The following NBAS variants were observed in gnomAD, a reference collection of about 807,000 sequenced individuals.
The protein encoded by NBAS is NAG/BC035112 fusion.
NBAS carries 219 observed loss-of-function variants against 302.5 expected under a neutral mutation model. The observed-to-expected ratio is 0.72, with a 90% confidence interval of 0.65 to 0.81. The LOEUF (loss-of-function observed/expected upper bound fraction) is 0.81. Among genes scored for constraint, NBAS ranks in the 30% least tolerant of loss-of-function variants. NBAS has a pLI of 0.00. For missense variants in NBAS, 2,932 were observed against 2,841.6 expected, an observed-to-expected ratio of 1.03 and a Z score of -0.72; for synonymous variants, 1,118 against 1,021.6, an observed-to-expected ratio of 1.09 and a Z score of -1.80.
chr2:15,396,517 G>T, intron 26 of NBAS, 42 bp from the exon 27 acceptor site: 2 of 1,360,588 alleles, frequency 1.5e-6, no homozygotes, highest in Non-Finnish European at 1.0e-6. Context: ...CTTAAGTTTA[G>T]TATTAGCTTT....
chr2:15,429,814 T>C (rs1407261240), intron 21 of NBAS, among the ~76,000 whole-genome samples: 1 of 152,232 alleles, frequency 6.6e-6, no homozygotes, highest in African/African-American at 2.4e-5. Context: ...AATGATGATT[T>C]AGAATGGATG....
the NBAS span, among the ~76,000 whole-genome samples, chr2:15,088,299 G>A: frequency 0.017 from 2,626 of 152,312 alleles, 37 homozygotes; most frequent in Admixed American, 0.036. Flanking sequence ...AGCATTCTCA[G>A]AGTATGTCAT....
rs558233705 is a variant in NBAS at position 15,467,734 on chromosome 2, G to T, written c.1948C>A (p.Pro650Thr). 2.5e-6 allele frequency: 4 copies of T among 1,607,312 alleles called. No individual in the cohort carries two copies. Among genetic ancestry groups the T allele is most frequent in the Middle Eastern group, 1.7e-4 (1 of 6,048 alleles). Residue 650 changes from proline to threonine, a missense_variant, in exon 18 of 52, where the codon CCT becomes ACT. By Grantham distance (38) the Pro-to-Thr change is conservative (BLOSUM62 -1). Transcript: ENST00000281513. ...YEELSPPDEE[P>T]AKNKKEKELK... ...TCCTTTTCCTTTTTATTCTTGGCAG[G>T]CTCTTCATCAGGTGGTGAAAGCTCT... is the stretch of plus-strand genomic sequence containing the variant.
intron 33 of NBAS, among the ~76,000 whole-genome samples, chr2:15,355,360 C>A (rs1282447635): frequency 6.6e-6 from 1 of 152,170 alleles, no homozygotes; most frequent in Non-Finnish European, 1.5e-5. Flanking sequence ...CCCTATCACA[C>A]TGAAGAATGT....
chr2:15,259,692 C>T (rs1462256501), intron 44 of NBAS, among the ~76,000 whole-genome samples: 3 of 152,194 alleles, frequency 2.0e-5, no homozygotes, highest in African/African-American at 7.2e-5. Context: ...ACTTGCACAA[C>T]TACCTGCTGT....
At chr2:15,383,401 A>T in intron 28 of NBAS, 84 bp from the exon 29 acceptor site, 2 of 1,200,352 alleles carry the variant, frequency 1.7e-6, no homozygotes, top group South Asian at 2.5e-5. Flanking sequence ...AGTTAAAAAA[A>T]CAAAAACTGG....
intron 41 of NBAS, 83 bp from the exon 42 acceptor site, chr2:15,287,266 T>G: frequency 1.0e-6 from 1 of 998,074 alleles, no homozygotes; most frequent in South Asian, 1.3e-5. Flanking sequence ...TCATTAGGAC[T>G]GCTCTCCAGT....
chr2:15,017,067 G>A, the NBAS span, among the ~76,000 whole-genome samples: 1 of 152,028 alleles, frequency 6.6e-6, no homozygotes, highest in Non-Finnish European at 1.5e-5. Flanking sequence ...CTGTGGAAAG[G>A]ACAATGTCTT....
At chr2:15,284,560 C>A (rs1196167577) in intron 42 of NBAS, among the ~76,000 whole-genome samples, 1 of 152,112 alleles carries the variant, frequency 6.6e-6, no homozygotes, top group African/African-American at 2.4e-5. Context: ...GGGGAATGTA[C>A]AATTATGAGA....
chr2:15,230,974 A>AC (rs1336486316), intron 47 of NBAS, among the ~76,000 whole-genome samples: 2 of 152,012 alleles, frequency 1.3e-5, no homozygotes, highest in East Asian at 1.9e-4. Context: ...GCTCTGTGTC[A>AC]CCCCTTGTGT....
intron 6 of NBAS, among the ~76,000 whole-genome samples, chr2:15,551,144 A>T (rs553212697): frequency 1.4e-4 from 21 of 152,310 alleles, no homozygotes; most frequent in African/African-American, 4.3e-4. Context: ...GAATATATTT[A>T]AAAAATGGCC....
At chr2:15,174,953 G>A (rs546175108) in intron 51 of NBAS, among the ~76,000 whole-genome samples, 2 of 152,258 alleles carry the variant, frequency 1.3e-5, no homozygotes, top group East Asian at 3.9e-4. Flanking sequence ...AGGTACCGGA[G>A]GTCCTAAACA....
intron 32 of NBAS, among the ~76,000 whole-genome samples, chr2:15,362,953 T>A (rs1674010193): frequency 6.6e-6 from 1 of 152,252 alleles, no homozygotes; most frequent in South Asian, 2.1e-4. Context: ...CCAGGCGCAG[T>A]GGTTCACACC....
chr2:15,362,842 C>T (rs541597614), intron 32 of NBAS, among the ~76,000 whole-genome samples: 5 of 152,122 alleles, frequency 3.3e-5, no homozygotes, highest in Admixed American at 1.3e-4. Context: ...GTTGACTTTA[C>T]GTAAAGAAGT....
chr2:15,333,508 G>A (rs747869567), intron 35 of NBAS, among the ~76,000 whole-genome samples: 49 of 152,238 alleles, frequency 3.2e-4, no homozygotes, highest in Non-Finnish European at 5.7e-4. Flanking sequence ...AATCCAGTTT[G>A]GAGACTGCTG....
chr2:15,383,801 T>C (rs1263516740), intron 28 of NBAS, among the ~76,000 whole-genome samples: 1 of 152,104 alleles, frequency 6.6e-6, no homozygotes, highest in African/African-American at 2.4e-5. Flanking sequence ...TTGCCATCAG[T>C]CTGGGGGACA....
chr2:15,277,156 AT>A (rs3214432), intron 42 of NBAS, 55 bp from the exon 43 acceptor site: 1,657 of 1,545,322 alleles, frequency 1.1e-3, no homozygotes, highest in Admixed American at 1.4e-3. Context: ...TATTAAAGTG[AT>A]TTTTTTTTTA....
intron 12 of NBAS, among the ~76,000 whole-genome samples, chr2:15,483,067 T>C (rs897402293): frequency 6.6e-6 from 1 of 152,242 alleles, no homozygotes; most frequent in Non-Finnish European, 1.5e-5. Context: ...ATGTTTTCTT[T>C]AGACTTGAGA....
intron 6 of NBAS, among the ~76,000 whole-genome samples, chr2:15,547,419 C>T (rs1664167735): frequency 6.6e-6 from 1 of 152,194 alleles, no homozygotes; most frequent in Non-Finnish European, 1.5e-5. Context: ...GTATTAAGGT[C>T]ATAAATTCAC....
Sources: gnomAD v4.1 joint callset for allele counts (sites outside exome capture counted in the v4.1 genomes callset) on GRCh38, gnomAD v4.1.1 for gene constraint, MANE v1.5 for transcripts, NCBI Gene and HGNC (gene_info 2026-07-23, HGNC 2026-07-21) for gene names.